CPLANE1: variants seen among roughly 807,000 people sequenced by gnomAD.
The protein encoded by CPLANE1 is ciliogenesis and planar polarity effector complex subunit 1, also known as ciliogenesis and planar polarity effector 1.
A neutral mutation model predicts 362.5 loss-of-function variants in CPLANE1; 263 were observed. That is an observed-to-expected ratio of 0.73 (90% CI 0.66 to 0.80). The LOEUF (loss-of-function observed/expected upper bound fraction) is 0.80, where lower values mean the gene tolerates loss of function less well. CPLANE1 is among the 30% of genes least tolerant of loss of function. The pLI, the probability that CPLANE1 is intolerant of heterozygous loss-of-function variation, is 0.00. For synonymous variants in CPLANE1, 1,212 were observed against 1,302.6 expected (o/e 0.93, Z 1.50); for missense variants, 3,461 against 3,793.4 (o/e 0.91, Z 2.30).
Position 37,108,372 on chromosome 5 carries a change from T to C in CPLANE1, c.9500A>G (p.Glu3167Gly). The C allele has an allele frequency of 6.2e-7, 1 of 1,614,156 alleles. No individual in the cohort carries two copies. The highest frequency in any genetic ancestry group is 8.5e-7 in the Non-Finnish European group (1 of 1,179,980). The change falls in exon 52 of 53, where the codon GAG (glutamate) becomes GGG (glycine). Residue 3167 changes from glutamate to glycine, a missense_variant. Physicochemically the swap from Glu to Gly is moderately conservative, Grantham distance 98. Transcript: ENST00000651892. ...TKQVCVEYER[E>G]ETVVSPWTIP... is the part of the protein sequence containing the mutation. ...CGTCCAGGGACTCACCACAGTCTCC[T>C]CTCTTTCATACTCTACACACACCTG... is the stretch of plus-strand genomic sequence containing the variant.
At position 37,209,983 on chromosome 5, in the gene CPLANE1, T is replaced by C. The variant is rs1457095651; in HGVS notation, c.2921-3558A>G. ...AAGCTAAATGAATATAAGAGAGAAA[T>C]AGAAGAGCAACTTCGGGAAGAAATA... On this transcript the variant is annotated intron_variant, in intron 16 of 52. Coordinates refer to ENST00000651892, the MANE Select transcript of CPLANE1 (RefSeq NM_001384732.1). The surrounding 1 kb of genome is among the most constrained non-coding windows in gnomAD (Gnocchi z 4.6). 1.4e-5 allele frequency: 13 copies of C among 935,798 alleles called. No individual in the cohort carries two copies. In the East Asian group the frequency reaches 2.2e-4, roughly 15 times the overall value. The allele number at this position is 935,798 out of a possible 1,614,324, so 58.0% of individuals were successfully genotyped here. A position where few individuals can be genotyped will look rare whatever the true frequency, so the allele number is the denominator to read the frequency against.
chr5:37,165,897 A>G (rs1019857998), intron 35 of CPLANE1, among the ~76,000 whole-genome samples: 20 of 152,252 alleles, frequency 1.3e-4, no homozygotes, highest in African/African-American at 4.6e-4. Flanking sequence ...ACTATTCTAT[A>G]TTAGTCACTG....
intron 4 of CPLANE1, among the ~76,000 whole-genome samples, chr5:37,244,978 C>T (rs1183965262): frequency 1.3e-5 from 2 of 151,530 alleles, no homozygotes; most frequent in Non-Finnish European, 2.9e-5. Flanking sequence ...GGTGAAACCC[C>T]GTCTCTACTA....
intron 14 of CPLANE1, among the ~76,000 whole-genome samples, chr5:37,222,540 T>G (rs1795580407): frequency 6.6e-6 from 1 of 152,240 alleles, no homozygotes; most frequent in Non-Finnish European, 1.5e-5. Context: ...ACTCTTTCTC[T>G]GTTGAAGCCA....
chr5:37,192,828 C>T (rs957575387), intron 21 of CPLANE1, among the ~76,000 whole-genome samples: 2 of 145,260 alleles, frequency 1.4e-5, no homozygotes, highest in Admixed American at 7.1e-5. Context: ...TACACTCCAG[C>T]CTGGGCAACA....
chr5:37,169,772 G>A (rs1779241083), intron 33 of CPLANE1, among the ~76,000 whole-genome samples: 1 of 151,884 alleles, frequency 6.6e-6, no homozygotes, highest in South Asian at 2.1e-4. Flanking sequence ...TGTCACCCAG[G>A]CTGGAGTACA....
the CPLANE1 span, among the ~76,000 whole-genome samples, chr5:37,079,387 G>C: frequency 6.6e-6 from 1 of 152,020 alleles, no homozygotes; most frequent in African/African-American, 2.4e-5. Flanking sequence ...CTTAATACTG[G>C]GGTAATATTA....
intron 29 of CPLANE1, 38 bp from the exon 30 acceptor site, chr5:37,177,738 A>G (rs766322622): frequency 6.8e-7 from 1 of 1,480,170 alleles, no homozygotes; most frequent in Non-Finnish European, 9.4e-7. Context: ...AAAACAGGTA[A>G]AACAAATAGG....
At chr5:37,145,433 T>G (rs1048937754) in intron 43 of CPLANE1, among the ~76,000 whole-genome samples, 13 of 152,154 alleles carry the variant, frequency 8.5e-5, no homozygotes, top group African/African-American at 3.1e-4. Flanking sequence ...TGAAAAAAAT[T>G]TTAAGAGACG....
At chr5:37,118,851 C>T (rs1202533917) in intron 50 of CPLANE1, among the ~76,000 whole-genome samples, 1 of 151,770 alleles carries the variant, frequency 6.6e-6, no homozygotes, top group Non-Finnish European at 1.5e-5. Flanking sequence ...GTAGCTGGGA[C>T]TACAGGCGCA....
chr5:37,187,615 A>G, intron 22 of CPLANE1, 43 bp from the exon 23 acceptor site: 1 of 1,577,392 alleles, frequency 6.3e-7, no homozygotes, highest in Non-Finnish European at 8.6e-7. Context: ...TTTAGTTTAG[A>G]TGGTAGACCA....
intron 8 of CPLANE1, among the ~76,000 whole-genome samples, chr5:37,232,674 C>CA (rs113308412): frequency 0.015 from 2,096 of 143,560 alleles, 44 homozygotes; most frequent in African/African-American, 0.049. Context: ...CTGGCTCTAC[C>CA]AAAAAAAAAC....
intron 21 of CPLANE1, among the ~76,000 whole-genome samples, chr5:37,190,201 T>C (rs893304534): frequency 6.6e-6 from 1 of 152,048 alleles, no homozygotes; most frequent in Non-Finnish European, 1.5e-5. Context: ...CGGGTTCTAC[T>C]AGACAAACGA....
At chr5:37,172,229 T>C (rs1458831098) in intron 32 of CPLANE1, among the ~76,000 whole-genome samples, 2 of 152,156 alleles carry the variant, frequency 1.3e-5, no homozygotes, top group Admixed American at 6.5e-5. Context: ...CTAATATTAT[T>C]AAAATAATAC....
chr5:37,185,039 A>T lies in CPLANE1; in HGVS notation c.4230T>A (p.Ser1410=), dbSNP rs571145214. The T allele has an allele frequency of 6.2e-7, 1 of 1,613,920 alleles. No homozygotes were observed. The highest frequency in any genetic ancestry group is 1.3e-5 in the African/African-American group (1 of 75,028). Residue 1410 remains serine, a synonymous_variant, in exon 25 of 53, where the codon TCT becomes TCA. Coordinates refer to ENST00000651892, the MANE Select transcript of CPLANE1 (RefSeq NM_001384732.1). ...TEEMMSVVMH[S]IQKVRVKALK... ...GAGCTTTCACCCTCACTTTCTGGAT[A>T]GAATGCATGACAACAGACATCATTT...
intron 47 of CPLANE1, among the ~76,000 whole-genome samples, chr5:37,124,411 G>A (rs1360754121): frequency 6.6e-6 from 1 of 152,020 alleles, no homozygotes; most frequent in Non-Finnish European, 1.5e-5. Flanking sequence ...AATAAATGCT[G>A]AGTTTTAAAA....
At position 37,165,596 on chromosome 5, in the gene CPLANE1, A is replaced by G. The variant is rs931707033; in HGVS notation, c.7476T>C (p.Phe2492=). ...EKLRRKPNVT[F]RPENSIINND... ...TATTAATTATGGAATTCTCTGGTCG[A>G]AAAGTCACATTTGGTTTTCTCCTCA... The change falls in exon 36 of 53, where the codon TTT becomes TTC. Residue 2492 remains phenylalanine, a synonymous_variant. Coordinates refer to ENST00000651892, the MANE Select transcript of CPLANE1 (RefSeq NM_001384732.1). 3.1e-6 allele frequency: 5 copies of G among 1,611,202 alleles called. No homozygotes were observed. The highest frequency in any genetic ancestry group is 4.2e-6 in the Non-Finnish European group (5 of 1,179,184).
At position 37,120,195 on chromosome 5, in the gene CPLANE1, T is replaced by C. The variant is rs374646836; in HGVS notation, c.9310+21A>G. The C allele has an allele frequency of 5.0e-6, 8 of 1,587,574 alleles. No homozygotes were observed. The African/African-American group carries it at 1.1e-4, about 22-fold the overall frequency. On this transcript the variant is annotated intron_variant, in intron 50 of 52. Transcript: ENST00000651892. ...GAATAGGTCCAAATCAGACAATTTA[T>C]AAAAAAGCTTTAAGTCTTACCATGT...
intron 48 of CPLANE1, 72 bp from the exon 49 acceptor site, chr5:37,121,856 T>G: frequency 7.7e-7 from 1 of 1,303,780 alleles, no homozygotes; most frequent in Non-Finnish European, 1.1e-6. Flanking sequence ...GAATATAGTG[T>G]TTGAAGATCA....
Sources: gnomAD v4.1 joint callset for allele counts (sites outside exome capture counted in the v4.1 genomes callset) on GRCh38, gnomAD v4.1.1 for gene constraint, Gnocchi (gnomAD v3.1) non-coding constraint, MANE v1.5 for transcripts, NCBI Gene and HGNC (gene_info 2026-07-23, HGNC 2026-07-21) for gene names.